The following CFAP299 variants were observed in gnomAD, a reference collection of about 807,000 sequenced individuals.
CFAP299 encodes cilia- and flagella-associated protein 299.
CFAP299 carries 21 observed loss-of-function variants against 27.0 expected under a neutral mutation model. The ratio of observed to expected loss-of-function variants is 0.78; its 90% CI spans 0.55 to 1.12. The LOEUF is 1.12. Among genes scored for constraint, CFAP299 ranks in the 50% most tolerant of loss-of-function variants. CFAP299 has a pLI of 0.00. For synonymous variants in CFAP299, 104 were observed against 98.1 expected (o/e 1.06, Z -0.36); for missense variants, 310 against 276.6 (o/e 1.12, Z -0.86).
chr4:80,591,290 AT>A (rs1361792059), intron 3 of CFAP299, among the ~76,000 whole-genome samples: 1 of 150,560 alleles, frequency 6.6e-6, no homozygotes, highest in Non-Finnish European at 1.5e-5. Context: ...CGCCCGGCTA[AT>A]TTTTTGTATT....
At chr4:80,778,398 C>T (rs1392087530) in intron 3 of CFAP299, among the ~76,000 whole-genome samples, 2 of 152,124 alleles carry the variant, frequency 1.3e-5, no homozygotes, top group African/African-American at 2.4e-5. Flanking sequence ...GGGCTGCACC[C>T]TTTGTTGATC....
At chr4:80,654,768 C>A (rs935219401) in intron 3 of CFAP299, among the ~76,000 whole-genome samples, 6 of 150,574 alleles carry the variant, frequency 4.0e-5, no homozygotes, top group African/African-American at 1.5e-4. Context: ...TGCCACCATG[C>A]CGAGCTAATT....
chr4:80,422,950 A>G (rs546762395), intron 2 of CFAP299, among the ~76,000 whole-genome samples: 2 of 152,304 alleles, frequency 1.3e-5, no homozygotes, highest in South Asian at 2.1e-4. Context: ...GGTACAGCCT[A>G]TTGCCCCTAC....
intron 3 of CFAP299, among the ~76,000 whole-genome samples, chr4:80,614,587 T>C (rs1423839887): frequency 1.3e-5 from 2 of 152,144 alleles, no homozygotes; most frequent in East Asian, 1.9e-4. Flanking sequence ...TCCTAAAAGG[T>C]TGGGAGCAAA....
rs771139326 is a variant in CFAP299 at position 80,870,096 on chromosome 4, C to T, written c.437C>T (p.Thr146Ile). 2 of 1,612,650 alleles carry T rather than the reference C, an allele frequency of 1.2e-6. No homozygotes were observed. The highest frequency in any genetic ancestry group is 1.1e-5 in the South Asian group (1 of 90,896). ...ACGGAAGATTTTGAAGTCTACTTTA[C>T]TGGAAAAAAAAGACTTCTTCCAAGG... ...LKTEDFEVYFTGKKRLLPRPT... is the reference protein window; with the variant it reads ...LKTEDFEVYFIGKKRLLPRPT... Residue 146 changes from threonine (T) to isoleucine (I), a missense_variant, in exon 4 of 6, where the codon ACT becomes ATT. Physicochemically the swap from Thr to Ile is moderately conservative, Grantham distance 89. Coordinates refer to ENST00000358105, the MANE Select transcript of CFAP299 (RefSeq NM_152770.3).
chr4:80,384,479 C>A (rs1425328331), intron 2 of CFAP299, among the ~76,000 whole-genome samples: 1 of 152,102 alleles, frequency 6.6e-6, no homozygotes, highest in Non-Finnish European at 1.5e-5. Context: ...TCAAGTTATA[C>A]CATTGACACA....
intron 2 of CFAP299, among the ~76,000 whole-genome samples, chr4:80,450,740 A>G (rs550753461): frequency 7.2e-5 from 11 of 152,098 alleles, no homozygotes; most frequent in Admixed American, 7.2e-4. Flanking sequence ...AGAGATTTTA[A>G]AAACTGATGA....
chr4:80,651,528 G>A lies in CFAP299; in HGVS notation c.333+68345G>A, dbSNP rs150825542. On this transcript the variant is annotated intron_variant, in intron 3 of 5. Coordinates refer to ENST00000358105, the MANE Select transcript of CFAP299 (RefSeq NM_152770.3). ...CTAGAGTTGTGCGCCGCCACACCTA[G>A]CTAATTTTTTGAATTTTGTAGAGAT... Among the ~76,000 whole-genome samples, 1,334 of 151,762 alleles carry A rather than the reference G, an allele frequency of 8.8e-3. 23 individuals are homozygous for A. Among genetic ancestry groups the A allele is most frequent in the African/African-American group, 0.03 (1,228 of 41,402 alleles).
chr4:80,672,152 G>A (rs1391979717), intron 3 of CFAP299, among the ~76,000 whole-genome samples: 2 of 152,106 alleles, frequency 1.3e-5, no homozygotes, highest in Non-Finnish European at 2.9e-5. Context: ...CTCATAAATA[G>A]CTCTTATGAT....
intron 3 of CFAP299, among the ~76,000 whole-genome samples, chr4:80,710,578 C>CTTTTTT (rs5859734): frequency 1.4e-5 from 2 of 138,870 alleles, no homozygotes; most frequent in African/African-American, 2.7e-5. Context: ...AGAAATAAGA[C>CTTTTTT]TTTTTTTTTT....
intron 2 of CFAP299, among the ~76,000 whole-genome samples, chr4:80,440,832 T>G (rs1395273918): frequency 6.6e-6 from 1 of 152,188 alleles, no homozygotes; most frequent in Non-Finnish European, 1.5e-5. Context: ...CAGGAATGGC[T>G]AACTAGAATA....
At position 80,720,216 on chromosome 4, in the gene CFAP299, G is replaced by T. The variant is rs374949196; in HGVS notation, c.333+137033G>T. On this transcript the variant is annotated intron_variant, in intron 3 of 5. Coordinates refer to ENST00000358105, the MANE Select transcript of CFAP299 (RefSeq NM_152770.3). ...GACCCCCCCTCAAGAACTGAGCTGA[G>T]TATCAGTGATACGTAAGAATAACTT... Among the ~76,000 whole-genome samples the T allele has an allele frequency of 6.6e-5, 10 of 152,162 alleles. No individual in the cohort carries two copies. In the East Asian group the frequency reaches 1.9e-3, roughly 29 times the overall value.
intron 2 of CFAP299, among the ~76,000 whole-genome samples, chr4:80,396,046 A>T (rs1725769401): frequency 6.6e-6 from 1 of 152,178 alleles, no homozygotes; most frequent in African/African-American, 2.4e-5. Flanking sequence ...AAAATAAGTA[A>T]ATAGAGCAAT....
chr4:80,324,470 C>T, the CFAP299 span, among the ~76,000 whole-genome samples: 1 of 152,204 alleles, frequency 6.6e-6, no homozygotes, highest in African/African-American at 2.4e-5. Context: ...GTGCATTACA[C>T]ATGATATCAA....
At chr4:80,781,860 A>G (rs1473628301) in intron 3 of CFAP299, among the ~76,000 whole-genome samples, 1 of 151,858 alleles carries the variant, frequency 6.6e-6, no homozygotes, top group Non-Finnish European at 1.5e-5. Flanking sequence ...CTTAGAAAGG[A>G]AATATAATAA....
chr4:80,641,240 T>A (rs992617642), intron 3 of CFAP299, among the ~76,000 whole-genome samples: 3 of 152,186 alleles, frequency 2.0e-5, no homozygotes, highest in Non-Finnish European at 2.9e-5. Context: ...AGTCTTGCTG[T>A]GTCACCCAAG....
intron 2 of CFAP299, among the ~76,000 whole-genome samples, chr4:80,491,575 T>C (rs1731134997): frequency 6.6e-6 from 1 of 152,144 alleles, no homozygotes; most frequent in Non-Finnish European, 1.5e-5. Context: ...TTTCACTTTC[T>C]GTTCTCACCA....
intron 4 of CFAP299, among the ~76,000 whole-genome samples, chr4:80,912,825 C>A (rs983340729): frequency 2.6e-5 from 4 of 152,158 alleles, no homozygotes; most frequent in African/African-American, 9.7e-5. Flanking sequence ...AATGTGGGCA[C>A]ACTCCCAAGG....
intron 2 of CFAP299, among the ~76,000 whole-genome samples, chr4:80,392,833 A>T (rs1408803984): frequency 6.6e-6 from 1 of 152,186 alleles, no homozygotes; most frequent in Admixed American, 6.5e-5. Context: ...TTAACAAATG[A>T]TTATTTTACT....
Sources: gnomAD v4.1 joint callset for allele counts (sites outside exome capture counted in the v4.1 genomes callset) on GRCh38, gnomAD v4.1.1 for gene constraint, MANE v1.5 for transcripts, NCBI Gene and HGNC (gene_info 2026-07-23, HGNC 2026-07-21) for gene names.